Variants in CAMK2B observed in about 807,000 individuals in gnomAD.
CAMK2B encodes the protein calcium/calmodulin-dependent protein kinase type II subunit beta.
Under a neutral mutation model 93.7 loss-of-function variants are expected in CAMK2B, and 27 were observed. The observed-to-expected ratio is 0.29, with a 90% CI of 0.21 to 0.40. CAMK2B has a LOEUF of 0.40. Among genes scored for constraint, CAMK2B ranks in the 10% least tolerant of loss-of-function variants. CAMK2B has a pLI of 1.00. For synonymous variants in CAMK2B, 374 were observed against 358.8 expected (o/e 1.04, Z -0.48); for missense variants, 568 against 895.8 (o/e 0.63, Z 4.67).
At chr7:44,313,726 T>C (rs1258508934) in intron 1 of CAMK2B, among the ~76,000 whole-genome samples, 2 of 145,188 alleles carry the variant, frequency 1.4e-5, no homozygotes, top group African/African-American at 2.5e-5. Flanking sequence ...CCAGCTTATG[T>C]GAGGGCTCAC....
intron 2 of CAMK2B, among the ~76,000 whole-genome samples, chr7:44,275,200 T>C (rs184005134): frequency 1.1e-3 from 164 of 149,570 alleles, no homozygotes; most frequent in Non-Finnish European, 1.9e-3. Context: ...GGGTGGGCCC[T>C]GCTCCTGCAT....
At chr7:44,250,698 T>C (rs930871585) in intron 5 of CAMK2B, among the ~76,000 whole-genome samples, 3 of 152,002 alleles carry the variant, frequency 2.0e-5, no homozygotes, top group African/African-American at 7.3e-5. Flanking sequence ...CCAGGCTAAT[T>C]TTTATATTTT....
chr7:44,242,108 G>T, intron 10 of CAMK2B, 110 bp downstream of exon 10: 1 of 1,326,330 alleles, frequency 7.5e-7, no homozygotes, highest in Non-Finnish European at 1.0e-6. Flanking sequence ...ACCCAAGGGA[G>T]CTCTTGGATG....
Position 44,245,143 on chromosome 7 carries a change from G to A in CAMK2B, c.415-1616C>T, listed in dbSNP as rs779835617. On this transcript the variant is annotated intron_variant, in intron 6 of 23. Transcript: ENST00000395749. Reference sequence around the variant, plus strand: ...AGCAGTTCTTCCGAAGAGAAGGAGCGTTAAGTGAACATGGACCGTAGGAAG... The same window carrying A: ...AGCAGTTCTTCCGAAGAGAAGGAGCATTAAGTGAACATGGACCGTAGGAAG... The A allele has an allele frequency of 8.8e-5, 32 of 365,158 alleles. 1 individual carries two copies. The highest frequency in any genetic ancestry group is 4.6e-4 in the South Asian group (23 of 49,930). 22.6% of individuals were successfully genotyped at this position (365,158 alleles called of 1,614,324 possible).
In CAMK2B at chr7:44,223,764, G is replaced by GC. The variant is rs564418181; in HGVS notation, c.1597+2751dup. The stretch of plus-strand genomic sequence containing the variant: ...AGTCCTTCCAGCAGCCCCCAAGCCA[G>GC]CCCCCACTAGGCTGCCTGGCTCTGC... On this transcript the variant is annotated intron_variant, in intron 20 of 23. Transcript: ENST00000395749. Among the ~76,000 whole-genome samples the GC allele has an allele frequency of 9.0e-4, 137 of 152,250 alleles. 3 individuals carry two copies. In the South Asian group the frequency reaches 0.028, roughly 32 times the overall value.
chr7:44,269,556 G>C (rs911028858), intron 2 of CAMK2B, among the ~76,000 whole-genome samples: 2 of 152,002 alleles, frequency 1.3e-5, no homozygotes, highest in Non-Finnish European at 1.5e-5. Context: ...AGCAGGGGGT[G>C]GGGGGTGGTG....
intron 2 of CAMK2B, among the ~76,000 whole-genome samples, chr7:44,272,516 C>A (rs537393537): frequency 1.3e-5 from 2 of 152,204 alleles, no homozygotes; most frequent in Non-Finnish European, 2.9e-5. Context: ...GCAATTAACC[C>A]GCCAGCAGCT....
intron 1 of CAMK2B, among the ~76,000 whole-genome samples, chr7:44,305,634 G>C (rs1190408528): frequency 6.6e-6 from 1 of 152,202 alleles, no homozygotes; most frequent in Non-Finnish European, 1.5e-5. Context: ...GGAGGTGGGA[G>C]CAAGAGGAAA....
At chr7:44,298,620 T>C (rs1269492001) in intron 1 of CAMK2B, among the ~76,000 whole-genome samples, 1 of 152,174 alleles carries the variant, frequency 6.6e-6, no homozygotes, top group Non-Finnish European at 1.5e-5. Flanking sequence ...GGATAAAATA[T>C]TTGCAATTCA....
chr7:44,275,408 C>A (rs1380767013), intron 2 of CAMK2B, among the ~76,000 whole-genome samples: 1 of 152,258 alleles, frequency 6.6e-6, no homozygotes, highest in Non-Finnish European at 1.5e-5. Flanking sequence ...TCCGCGCAGC[C>A]CGGCTCCCTG....
At chr7:44,231,138 C>T in intron 16 of CAMK2B, 84 bp from the exon 17 acceptor site, 1 of 876,148 alleles carries the variant, frequency 1.1e-6, no homozygotes, top group East Asian at 3.5e-5. Context: ...AGGGCTGGGC[C>T]TGTGTCAGGA....
Position 44,271,556 on chromosome 7 carries a change from G to C in CAMK2B, c.161-8492C>G, listed in dbSNP as rs1043056892. ...TGTGGGGTGGGGCAGGCAGAGGCCAGCTCACATCTTGGGGCCAGCACTTGC... is the reference window on the plus strand; with the variant it reads ...TGTGGGGTGGGGCAGGCAGAGGCCACCTCACATCTTGGGGCCAGCACTTGC... On this transcript the variant is annotated intron_variant, in intron 2 of 23. Coordinates refer to ENST00000395749, the MANE Select transcript of CAMK2B (RefSeq NM_001220.5). This position sits in a 1 kb window ranked among gnomAD's most constrained non-coding sequence, Gnocchi z 4.2. Among the ~76,000 whole-genome samples, 6 of 152,254 alleles carry C rather than the reference G, an allele frequency of 3.9e-5. No individual in the cohort carries two copies. Among genetic ancestry groups the C allele is most frequent in the African/African-American group, 1.4e-4 (6 of 41,466 alleles).
At chr7:44,266,676 C>T (rs2096924210) in intron 2 of CAMK2B, among the ~76,000 whole-genome samples, 1 of 152,184 alleles carries the variant, frequency 6.6e-6, no homozygotes, top group African/African-American at 2.4e-5. Context: ...CGGAAGTCTG[C>T]CAACAGCGGC....
intron 1 of CAMK2B, among the ~76,000 whole-genome samples, chr7:44,319,593 C>T (rs2116518593): frequency 6.6e-6 from 1 of 152,296 alleles, no homozygotes; most frequent in South Asian, 2.1e-4. Flanking sequence ...AGTCCACTTG[C>T]ACCCACCTCC....
chr7:44,287,163 C>T (rs969771353), intron 1 of CAMK2B, among the ~76,000 whole-genome samples: 4 of 152,066 alleles, frequency 2.6e-5, no homozygotes, highest in Admixed American at 6.5e-5. Context: ...CTGCTCCCTG[C>T]GCCCCGCTCC....
At chr7:44,221,794 G>A (rs1173138334) in intron 20 of CAMK2B, among the ~76,000 whole-genome samples, 1 of 152,230 alleles carries the variant, frequency 6.6e-6, no homozygotes, top group Non-Finnish European at 1.5e-5. Context: ...CTGGCAGCCT[G>A]CATTGCTGCT....
chr7:44,323,869 G>C (rs538976147), intron 1 of CAMK2B: 1 of 161,728 alleles, frequency 6.2e-6, no homozygotes, highest in East Asian at 1.9e-4. Flanking sequence ...GGGGTAGATC[G>C]GTGCATCTGA....
intron 16 of CAMK2B, 124 bp downstream of exon 16, chr7:44,232,698 G>A (rs1346346251): frequency 3.3e-5 from 26 of 795,386 alleles, no homozygotes; most frequent in African/African-American, 8.0e-5. Context: ...ACCGTACTGC[G>A]GGGAGGGGCG....
Position 44,220,233 on chromosome 7 carries a change from A to C in CAMK2B, c.1830T>G (p.Ile610Met), listed in dbSNP as rs1255919334. 1.2e-6 allele frequency: 2 copies of C among 1,613,296 alleles called. No individual in the cohort carries two copies. The highest frequency in any genetic ancestry group is 1.7e-5 in the Admixed American group (1 of 60,018). The change falls in exon 23 of 24, where the codon ATT becomes ATG. Residue 610 changes from isoleucine to methionine, a missense_variant. Transcript: ENST00000395749. ...AAGCGATGCAGGCGGCATCCTCTCC[A>C]ATGACGTGCACGTGTGGGTTCAGGA... is the stretch of plus-strand genomic sequence containing the variant. ...TTILNPHVHV[I>M]GEDAACIAYI...
Sources: gnomAD v4.1 joint callset for allele counts (sites outside exome capture counted in the v4.1 genomes callset) on GRCh38, gnomAD v4.1.1 for gene constraint, Gnocchi (gnomAD v3.1) non-coding constraint, MANE v1.5 for transcripts, NCBI Gene and HGNC (gene_info 2026-07-23, HGNC 2026-07-21) for gene names.